HS3ST1: variants seen among roughly 807,000 people sequenced by gnomAD.
HS3ST1 encodes heparan sulfate-glucosamine 3-sulfotransferase 1.
In HS3ST1, 8 loss-of-function variants were observed where a neutral mutation model predicts 20.7. The ratio of observed to expected loss-of-function variants is 0.39; its 90% confidence interval spans 0.23 to 0.70. HS3ST1 has a LOEUF of 0.70. HS3ST1 is among the 30% of genes least tolerant of loss of function. The probability of loss-of-function intolerance (pLI) is 0.46; values close to 1 mark genes in which losing one functional copy is unlikely to be tolerated. For missense variants in HS3ST1, 436 were observed against 423.4 expected (o/e 1.03, Z -0.26); for synonymous variants, 205 against 190.4 (o/e 1.08, Z -0.63).
intron 1 of HS3ST1, among the ~76,000 whole-genome samples, chr4:11,418,287 A>C (rs1718839168): frequency 6.6e-6 from 1 of 152,226 alleles, no homozygotes; most frequent in South Asian, 2.1e-4. Flanking sequence ...AATCAAAATC[A>C]GGCTTACCAG....
In HS3ST1 at chr4:11,397,507, C is replaced by G. The variant is rs1718174691; in HGVS notation, c.*1575G>C. 2 of 152,262 alleles carry G rather than the reference C, an allele frequency of 1.3e-5. No homozygotes were observed. The highest frequency in any genetic ancestry group is 2.9e-5 in the Non-Finnish European group (2 of 68,088). The allele number at this position is 152,262 out of a possible 1,614,324, so 9.4% of individuals were successfully genotyped here. ...TAAGTCAGGTCAGGAAGAACTGGCT[C>G]TGAGTCTGGGCTTTTCCTTTTGAGT... On this transcript the variant is annotated 3_prime_UTR_variant, in exon 2 of 2. Coordinates refer to ENST00000002596, the MANE Select transcript of HS3ST1 (RefSeq NM_005114.4).
intron 1 of HS3ST1, among the ~76,000 whole-genome samples, chr4:11,424,384 A>C (rs1419593064): frequency 1.3e-5 from 2 of 152,244 alleles, no homozygotes; most frequent in Admixed American, 6.5e-5. Context: ...AGTAGATATT[A>C]TTCTAACGAT....
intron 1 of HS3ST1, among the ~76,000 whole-genome samples, chr4:11,428,006 C>A (rs1310632169): frequency 6.6e-6 from 1 of 152,222 alleles, no homozygotes; most frequent in African/African-American, 2.4e-5. Flanking sequence ...GGGTTCGCAC[C>A]CCGCCATCCC....
chr4:11,412,356 T>C (rs999691977), intron 1 of HS3ST1, among the ~76,000 whole-genome samples: 2 of 152,162 alleles, frequency 1.3e-5, no homozygotes, highest in East Asian at 1.9e-4. Context: ...AAAACATGAA[T>C]GCTTTAGAGG....
intron 1 of HS3ST1, among the ~76,000 whole-genome samples, chr4:11,424,335 C>T (rs146927734): frequency 6.6e-6 from 1 of 152,158 alleles, no homozygotes; most frequent in African/African-American, 2.4e-5. Context: ...TTTTCTAGAC[C>T]TCTTGTAGTA....
Position 11,399,320 on chromosome 4 carries a change from T to G in HS3ST1, c.686A>C (p.Gln229Pro), listed in dbSNP as rs918368141. Reference sequence around the variant, plus strand: ...CAGCTTTAGGAACCTCTCGACCTTTTGGATCTCAGGGAAGGGGTCCCTGAT... The same window carrying G: ...CAGCTTTAGGAACCTCTCGACCTTTGGGATCTCAGGGAAGGGGTCCCTGAT... ...RLIRDPFPEI[Q>P]KVERFLKLSP... The change falls in exon 2 of 2, where the codon CAA (glutamine) becomes CCA (proline). Residue 229 changes from glutamine (Q) to proline (P), a missense_variant. By Grantham distance (76) the Gln-to-Pro change is moderately conservative. Transcript: ENST00000002596. The surrounding 1 kb of genome is among the most constrained non-coding windows in gnomAD (Gnocchi z 5.1). The G allele has an allele frequency of 6.2e-7, 1 of 1,614,092 alleles. No individual in the cohort carries two copies. The highest frequency in any genetic ancestry group is 8.5e-7 in the Non-Finnish European group (1 of 1,180,006).
Position 11,399,172 on chromosome 4 carries a change from A to G in HS3ST1, c.834T>C (p.Asp278=). ...CGTGCAGTTTATTGAGTAGTTTGGG[A>G]TCGACTTGGGGGTGCGCCCGGCCTT... ...ESKGRAHPQV[D]PKLLNKLHEY... Residue 278 remains aspartate (D), a synonymous_variant, in exon 2 of 2, where the codon GAT becomes GAC. Transcript: ENST00000002596. This position sits in a 1 kb window ranked among gnomAD's most constrained non-coding sequence, Gnocchi z 5.1. The G allele has an allele frequency of 1.2e-6, 2 of 1,614,142 alleles. No homozygotes were observed. The highest frequency in any genetic ancestry group is 2.2e-5 in the South Asian group (2 of 91,074).
In HS3ST1 at chr4:11,399,772, G is replaced by A. The variant is rs1473338105; in HGVS notation, c.234C>T (p.Pro78=). The A allele has an allele frequency of 3.1e-6, 5 of 1,613,700 alleles. No homozygotes were observed. Among genetic ancestry groups the A allele is most frequent in the Admixed American group, 1.7e-5 (1 of 60,034 alleles). ...CCTCGTTCTCCGCGGCCGCCACGTC[G>A]GGGTGCAGGCTGAGCATCTCCAGCA... ...RALLEMLSLH[P]DVAAAENEVH... is the part of the protein sequence containing the mutation. The change falls in exon 2 of 2, where the codon CCC becomes CCT. Residue 78 remains proline, a synonymous_variant. Coordinates refer to ENST00000002596, the MANE Select transcript of HS3ST1 (RefSeq NM_005114.4). The surrounding 1 kb of genome is among the most constrained non-coding windows in gnomAD (Gnocchi z 5.1).
chr4:11,433,558 G>T (rs1719243473), upstream of HS3ST1, among the ~76,000 whole-genome samples: 1 of 152,116 alleles, frequency 6.6e-6, no homozygotes, highest in Non-Finnish European at 1.5e-5. Context: ...GAAAATTGTG[G>T]CACTCTCTTT....
rs1047389 is a variant in HS3ST1 at position 11,399,463 on chromosome 4, A to G, written c.543T>C (p.Asp181=). 360,468 of 1,613,762 alleles carry G rather than the reference A, an allele frequency of 0.22. 41,302 individuals are homozygous for G. The highest frequency in any genetic ancestry group is 0.3 in the South Asian group (27,560 of 91,074). Residue 181 remains aspartate, a synonymous_variant, in exon 2 of 2, where the codon GAT becomes GAC. Coordinates refer to ENST00000002596, the MANE Select transcript of HS3ST1 (RefSeq NM_005114.4). The surrounding 1 kb of genome is among the most constrained non-coding windows in gnomAD (Gnocchi z 5.1). ...CCTTGTAGTCCACATTGAGCCTGCC[A>G]TCGCGCACCAGGAACTCCTCGATGG... ...YPSIEEFLVR[D]GRLNVDYKAL...
chr4:11,433,646 C>G (rs1276846017), upstream of HS3ST1, among the ~76,000 whole-genome samples: 2 of 152,018 alleles, frequency 1.3e-5, no homozygotes, highest in East Asian at 3.9e-4. Context: ...AGGCCTTATT[C>G]AAGGATACTG....
Position 11,399,061 on chromosome 4 carries a change from C to T in HS3ST1, c.*21G>A, listed in dbSNP as rs1380521317. On this transcript the variant is annotated 3_prime_UTR_variant, in exon 2 of 2. Coordinates refer to ENST00000002596, the MANE Select transcript of HS3ST1 (RefSeq NM_005114.4). The surrounding 1 kb of genome is among the most constrained non-coding windows in gnomAD (Gnocchi z 5.1). ...ACCAGAACTTACAGTAGGAAAGTTT[C>T]TGAGCTTAGCTTATTGCAAATCAGT... is the stretch of plus-strand genomic sequence containing the variant. The T allele has an allele frequency of 2.5e-6, 4 of 1,587,568 alleles. No homozygotes were observed. In the East Asian group the frequency reaches 9.0e-5, roughly 36 times the overall value.
rs1439406585 is a variant in HS3ST1 at position 11,393,920 on chromosome 4, G to A, written c.*5162C>T. On this transcript the variant is annotated 3_prime_UTR_variant, in exon 2 of 2. Coordinates refer to ENST00000002596, the MANE Select transcript of HS3ST1 (RefSeq NM_005114.4). ...GAAAATAGTACAGAAGACAATCTTTGTGGCAGCTGGGGTTGAGAGCACTTC... is the reference window on the plus strand; with the variant it reads ...GAAAATAGTACAGAAGACAATCTTTATGGCAGCTGGGGTTGAGAGCACTTC... 1 of 152,180 alleles carries A rather than the reference G, an allele frequency of 6.6e-6. No homozygotes were observed. Among genetic ancestry groups the A allele is most frequent in the African/African-American group, 2.4e-5 (1 of 41,436 alleles). 9.4% of individuals were successfully genotyped at this position (152,180 alleles called of 1,614,324 possible). A position where few individuals can be genotyped will look rare whatever the true frequency, so the allele number is the denominator to read the frequency against.
intron 1 of HS3ST1, among the ~76,000 whole-genome samples, chr4:11,406,343 C>T (rs943824758): frequency 6.6e-6 from 1 of 152,186 alleles, no homozygotes; most frequent in Non-Finnish European, 1.5e-5. Flanking sequence ...TGCTAACTGA[C>T]CTCAGTAAAT....
chr4:11,431,232 T>TAA (rs77643058), upstream of HS3ST1, among the ~76,000 whole-genome samples: 48,152 of 137,506 alleles, frequency 0.35, 8,332 homozygotes, highest in East Asian at 0.5. Flanking sequence ...ACTATGCTCT[T>TAA]AAAAAAAAAA....
In HS3ST1 at chr4:11,399,793, C is replaced by T. The variant is rs80352459; in HGVS notation, c.213G>A (p.Leu71=). 4.5e-5 allele frequency: 73 copies of T among 1,613,406 alleles called. No homozygotes were observed. In the East Asian group the frequency reaches 1.6e-3, roughly 34 times the overall value. The change falls in exon 2 of 2, where the codon CTG becomes CTA. Residue 71 remains leucine, a synonymous_variant. Transcript: ENST00000002596. The surrounding 1 kb of genome is among the most constrained non-coding windows in gnomAD (Gnocchi z 5.1). ...GVRKGGTRAL[L]EMLSLHPDVA... is the part of the protein sequence containing the mutation. ...CGTCGGGGTGCAGGCTGAGCATCTC[C>T]AGCAGTGCGCGCGTGCCGCCCTTGC... is the stretch of plus-strand genomic sequence containing the variant.
rs114673437 is a variant in HS3ST1, at chr4:11,403,235, A to G, written c.-108-3122T>C. 3.0e-3 allele frequency among the ~76,000 whole-genome samples: 463 copies of G among 152,350 alleles called. 1 individual carries two copies. The highest frequency in any genetic ancestry group is 0.011 in the African/African-American group (438 of 41,584). ...TGCACACATATATTCATAGCTAAATATAGTATAACCTGTTTTATATTACAT... is the reference window on the plus strand; with the variant it reads ...TGCACACATATATTCATAGCTAAATGTAGTATAACCTGTTTTATATTACAT... On this transcript the variant is annotated intron_variant, in intron 1 of 1. Coordinates refer to ENST00000002596, the MANE Select transcript of HS3ST1 (RefSeq NM_005114.4).
At position 11,393,376 on chromosome 4, in the gene HS3ST1, A is replaced by G. The variant is rs1213060101; in HGVS notation, c.*5706T>C. ...TGAATTTAACACTTTGCTATTTGCT[A>G]GCCAATAAAATAGACTCATTCTCTG... On this transcript the variant is annotated 3_prime_UTR_variant, in exon 2 of 2. Transcript: ENST00000002596. 1 of 152,246 alleles carries G rather than the reference A, an allele frequency of 6.6e-6. No homozygotes were observed. The highest frequency in any genetic ancestry group is 1.9e-4 in the East Asian group (1 of 5,200). 9.4% of individuals were successfully genotyped at this position (152,246 alleles called of 1,614,324 possible). A position where few individuals can be genotyped will look rare whatever the true frequency, so the allele number is the denominator to read the frequency against.
intron 1 of HS3ST1, among the ~76,000 whole-genome samples, chr4:11,411,154 T>A (rs1264217056): frequency 6.6e-6 from 1 of 152,182 alleles, no homozygotes; most frequent in East Asian, 1.9e-4. Flanking sequence ...GAGTGCTTAG[T>A]ATTGCCAGGC....
Sources: gnomAD v4.1 joint callset for allele counts (sites outside exome capture counted in the v4.1 genomes callset) on GRCh38, gnomAD v4.1.1 for gene constraint, Gnocchi (gnomAD v3.1) non-coding constraint, MANE v1.5 for transcripts, NCBI Gene and HGNC (gene_info 2026-07-23, HGNC 2026-07-21) for gene names.